The following ANKFN1 variants were observed in gnomAD, a reference collection of about 807,000 sequenced individuals.
The protein encoded by ANKFN1 is ankyrin repeat and fibronectin type-III domain-containing protein 1.
A neutral mutation model predicts 108.7 loss-of-function variants in ANKFN1; 74 were observed. The observed-to-expected ratio is 0.68, with a 90% confidence interval of 0.56 to 0.83. The LOEUF (loss-of-function observed/expected upper bound fraction) is 0.83. Ranked by LOEUF, ANKFN1 falls within the 40% of genes least tolerant of loss-of-function variation. The pLI is 0.00. For missense variants in ANKFN1, 1,505 were observed against 1,382.3 expected, an observed-to-expected ratio of 1.09 and a Z score of -1.41; for synonymous variants, 547 against 516.2, an observed-to-expected ratio of 1.06 and a Z score of -0.81.
intron 8 of ANKFN1, among the ~76,000 whole-genome samples, chr17:56,432,041 A>G (rs971283143): frequency 6.6e-6 from 1 of 152,234 alleles, no homozygotes; most frequent in African/African-American, 2.4e-5. Flanking sequence ...GGCCTGTGGA[A>G]GCGCTGTCAG....
intron 4 of ANKFN1, among the ~76,000 whole-genome samples, chr17:56,334,376 G>A (rs1055210023): frequency 1.3e-5 from 2 of 152,014 alleles, no homozygotes; most frequent in Admixed American, 6.6e-5. Context: ...AACTTTTAAG[G>A]ATAATGTATA....
intron 8 of ANKFN1, among the ~76,000 whole-genome samples, chr17:56,379,799 A>C (rs1047340066): frequency 3.3e-5 from 5 of 152,202 alleles, no homozygotes; most frequent in African/African-American, 1.2e-4. Context: ...TATCTAGAGA[A>C]TATTTTTCTA....
chr17:56,315,118 C>T (rs1162620793), intron 3 of ANKFN1, among the ~76,000 whole-genome samples: 5 of 152,168 alleles, frequency 3.3e-5, no homozygotes, highest in Non-Finnish European at 7.3e-5. Flanking sequence ...GCCACAATTT[C>T]TCCTGTCCAT....
intron 3 of ANKFN1, among the ~76,000 whole-genome samples, chr17:56,309,737 A>C (rs1268471101): frequency 6.6e-6 from 1 of 152,240 alleles, no homozygotes; most frequent in Non-Finnish European, 1.5e-5. Context: ...ATAAAGTTTA[A>C]TTTATAAATG....
Position 56,110,646 on chromosome 17 carries a change from G to GTGAA in ANKFN1, c.288+64338_288+64341dup, listed in dbSNP as rs1219497992. 3.3e-5 allele frequency among the ~76,000 whole-genome samples: 5 copies of GTGAA among 152,184 alleles called. No individual in the cohort carries two copies. The South Asian group carries it at 6.2e-4, about 19-fold the overall frequency. On this transcript the variant is annotated intron_variant, in intron 4 of 12. Coordinates refer to the ANKFN1 transcript ENST00000635860. ...AAGTGAATGAATGAATGAAGGCAAA[G>GTGAA]TGAATGAATGAATGAATGAAGGCCA... is the stretch of plus-strand genomic sequence containing the variant.
chr17:56,209,020 A>C (rs1161637328), intron 1 of ANKFN1, among the ~76,000 whole-genome samples: 1 of 152,196 alleles, frequency 6.6e-6, no homozygotes, highest in Non-Finnish European at 1.5e-5. Context: ...CTGGGACTAC[A>C]GGCACATGAC....
rs367586687 is a variant in ANKFN1 at position 56,449,191 on chromosome 17, G to A, written c.1207+5G>A. The A allele has an allele frequency of 4.7e-5, 75 of 1,612,036 alleles. No homozygotes were observed. The highest frequency in any genetic ancestry group is 6.0e-5 in the Non-Finnish European group (71 of 1,178,774). On this transcript the variant is annotated splice_donor_5th_base_variant and intron_variant, in intron 11 of 20. Transcript: ENST00000682825. ...ATCAGCATTACAGTTGCCGGGGTAAGGATAAAAATCTGTGCTGGGCCATCA... is the reference window on the plus strand; with the variant it reads ...ATCAGCATTACAGTTGCCGGGGTAAAGATAAAAATCTGTGCTGGGCCATCA...
At chr17:56,504,785 G>C (rs1796856613) in intron 20 of ANKFN1, among the ~76,000 whole-genome samples, 1 of 150,918 alleles carries the variant, frequency 6.6e-6, no homozygotes, top group South Asian at 2.1e-4. Flanking sequence ...CTCCCGAGTA[G>C]CTGGGATTAC....
At chr17:56,235,731 G>T (rs1187201770) in intron 3 of ANKFN1, among the ~76,000 whole-genome samples, 1 of 152,086 alleles carries the variant, frequency 6.6e-6, no homozygotes, top group Non-Finnish European at 1.5e-5. Context: ...TTTTGTGCCA[G>T]TACCATGCTA....
At chr17:56,354,904 A>G (rs1319496518) in intron 6 of ANKFN1, among the ~76,000 whole-genome samples, 1 of 152,218 alleles carries the variant, frequency 6.6e-6, no homozygotes, top group Non-Finnish European at 1.5e-5. Context: ...GGGGAAGCAT[A>G]TATTTCTTCA....
At chr17:56,141,571 A>C (rs1449716423) in intron 4 of ANKFN1, among the ~76,000 whole-genome samples, 3 of 152,218 alleles carry the variant, frequency 2.0e-5, no homozygotes, top group African/African-American at 7.2e-5. Flanking sequence ...AAGGGCAACA[A>C]GAATGCATGG....
At chr17:56,134,448 G>T (rs1907474120) in intron 4 of ANKFN1, among the ~76,000 whole-genome samples, 1 of 152,114 alleles carries the variant, frequency 6.6e-6, no homozygotes, top group Admixed American at 6.5e-5. Context: ...TGATCTTTCT[G>T]GTGACCGGCC....
intron 3 of ANKFN1, among the ~76,000 whole-genome samples, chr17:56,285,835 AATGATGATGATG>A (rs57493010): frequency 6.0e-5 from 9 of 150,238 alleles, no homozygotes; most frequent in Admixed American, 1.3e-4. Context: ...CCTGTCAGAC[AATGATGATGATG>A]ATGATGATGA....
In ANKFN1 at chr17:56,277,686, G is replaced by A. The variant is rs576009346; in HGVS notation, c.54-48535G>A. Among the ~76,000 whole-genome samples, 6 of 152,222 alleles carry A rather than the reference G, an allele frequency of 3.9e-5. No individual in the cohort carries two copies. The East Asian group carries it at 5.8e-4, about 15-fold the overall frequency. ...TAACTCCATATTAGCCATAGTGTACGCTGCTTGAGAACTGAGTTTGCAACC... is the reference window on the plus strand; with the variant it reads ...TAACTCCATATTAGCCATAGTGTACACTGCTTGAGAACTGAGTTTGCAACC... On this transcript the variant is annotated intron_variant, in intron 3 of 20. Transcript: ENST00000682825.
chr17:56,447,673 G>A (rs925699614), intron 10 of ANKFN1, among the ~76,000 whole-genome samples: 1 of 152,136 alleles, frequency 6.6e-6, no homozygotes, highest in Non-Finnish European at 1.5e-5. Flanking sequence ...GGTAAGAAAT[G>A]GTGTTTCCGT....
At chr17:56,132,845 G>A (rs1310867475) in intron 4 of ANKFN1, among the ~76,000 whole-genome samples, 1 of 152,072 alleles carries the variant, frequency 6.6e-6, no homozygotes, top group Admixed American at 6.6e-5. Context: ...TGAGTGGGAA[G>A]CTCTCCCGAC....
At chr17:56,376,199 A>G (rs917607491) in intron 8 of ANKFN1, among the ~76,000 whole-genome samples, 1 of 152,094 alleles carries the variant, frequency 6.6e-6, no homozygotes, top group African/African-American at 2.4e-5. Flanking sequence ...CCTCTGGGGA[A>G]CTTCATATGT....
chr17:56,157,091 A>G lies in ANKFN1; in HGVS notation c.-71+3561A>G, dbSNP rs555557393. Among the ~76,000 whole-genome samples, 5 of 152,288 alleles carry G rather than the reference A, an allele frequency of 3.3e-5. No individual in the cohort carries two copies. In the East Asian group the frequency reaches 5.8e-4, roughly 18 times the overall value. ...GTGGGATTCAGAGGTTCTTTTGAGG[A>G]GAGCACTGTACTGGTAGAATATTGC... On this transcript the variant is annotated intron_variant, in intron 1 of 20. Transcript: ENST00000682825.
intron 2 of ANKFN1, among the ~76,000 whole-genome samples, chr17:56,215,159 G>T (rs1227048270): frequency 1.3e-5 from 2 of 152,324 alleles, no homozygotes; most frequent in African/African-American, 4.8e-5. Flanking sequence ...TTTGGGCTCT[G>T]TACAAGGAAG....
Sources: gnomAD v4.1 joint callset for allele counts (sites outside exome capture counted in the v4.1 genomes callset) on GRCh38, gnomAD v4.1.1 for gene constraint, MANE v1.5 for transcripts, NCBI Gene and HGNC (gene_info 2026-07-23, HGNC 2026-07-21) for gene names.